Variants in B4GALNT4 observed in about 807,000 individuals in gnomAD.
The protein encoded by B4GALNT4 is beta-1,4-N-acetyl-galactosaminyltransferase 4, also known as N-acetyl-beta-glucosaminyl-glycoprotein 4-beta-N-acetylgalactosaminyltransferase 1.
In B4GALNT4, 77 loss-of-function variants were observed where a neutral mutation model predicts 110.0. That is an observed-to-expected ratio of 0.70 (90% CI 0.58 to 0.85). The LOEUF (loss-of-function observed/expected upper bound fraction) is 0.85, where lower values mean the gene tolerates loss of function less well. Among genes scored for constraint, B4GALNT4 ranks in the 40% least tolerant of loss-of-function variants. B4GALNT4 has a pLI of 0.00. For missense variants in B4GALNT4, 1,575 were observed against 1,506.0 expected, an observed-to-expected ratio of 1.05 and a Z score of -0.76; for synonymous variants, 785 against 655.5, an observed-to-expected ratio of 1.20 and a Z score of -3.02.
Position 380,773 on chromosome 11 carries a change from G to C in B4GALNT4, c.2870-52G>C, listed in dbSNP as rs558434918. On this transcript the variant is annotated intron_variant, in intron 18 of 19. Transcript: ENST00000329962. ...TCTCCTAGCGGCGCTTTGCCGGGGGGACCTTGCAGGACCTGGTCTGAAGGG... is the reference window on the plus strand; with the variant it reads ...TCTCCTAGCGGCGCTTTGCCGGGGGCACCTTGCAGGACCTGGTCTGAAGGG... The C allele has an allele frequency of 8.9e-6, 14 of 1,569,720 alleles. No individual in the cohort carries two copies. The South Asian group carries it at 1.5e-4, about 16-fold the overall frequency.
At position 376,755 on chromosome 11, in the gene B4GALNT4, T is replaced by A; in HGVS notation, c.1632T>A (p.Arg544=). 1 of 1,390,194 alleles carries A rather than the reference T, an allele frequency of 7.2e-7. No individual in the cohort carries two copies. Among genetic ancestry groups the A allele is most frequent in the Non-Finnish European group, 9.3e-7 (1 of 1,076,378 alleles). 86.1% of individuals were successfully genotyped at this position (1,390,194 alleles called of 1,614,324 possible). Residue 544 remains arginine (R), a synonymous_variant, in exon 14 of 20, where the codon CGT becomes CGA. Transcript: ENST00000329962. ...QRASPRAPAP[R]APWPPFPGVF... ...CATCCCCCCGGGCCCCAGCGCCGCGTGCGCCCTGGCCGCCCTTCCCTGGCG... is the reference window on the plus strand; with the variant it reads ...CATCCCCCCGGGCCCCAGCGCCGCGAGCGCCCTGGCCGCCCTTCCCTGGCG...
rs1380512567 is a variant in B4GALNT4, at chr11:379,654, T to C, written c.2441T>C (p.Leu814Pro). Reference protein sequence around the residue: ...PDGRPELCRPLRLAWRQDVMV... With the variant: ...PDGRPELCRPPRLAWRQDVMV... ...GGCCGCCCCGAGCTCTGCCGGCCAC[T>C]GCGCCTGGCCTGGCGCCAGGACGTG... Residue 814 changes from leucine to proline, a missense_variant, in exon 15 of 20, where the codon CTG (leucine) becomes CCG (proline). Coordinates refer to ENST00000329962, the MANE Select transcript of B4GALNT4 (RefSeq NM_178537.5). 1.8e-5 allele frequency: 27 copies of C among 1,505,836 alleles called. No homozygotes were observed. The highest frequency in any genetic ancestry group is 2.4e-5 in the Non-Finnish European group (27 of 1,131,414). 93.3% of individuals were successfully genotyped at this position (1,505,836 alleles called of 1,614,324 possible). A position where few individuals can be genotyped will look rare whatever the true frequency, so the allele number is the denominator to read the frequency against.
chr11:380,743 C>T (rs1361956597), intron 18 of B4GALNT4, 82 bp from the exon 19 acceptor site: 19 of 1,604,898 alleles, frequency 1.2e-5, no homozygotes, highest in African/African-American at 2.7e-5. Context: ...TGACCCCTCC[C>T]GAGGTCTCCT....
intron 1 of B4GALNT4, among the ~76,000 whole-genome samples, chr11:370,683 G>C (rs552540810): frequency 6.6e-6 from 1 of 152,260 alleles, no homozygotes; most frequent in South Asian, 2.1e-4. Flanking sequence ...CGGTGGGGTT[G>C]GGGGAGAAGG....
chr11:373,912 C>G (rs1204412141), intron 8 of B4GALNT4, 84 bp downstream of exon 8: 6 of 1,371,606 alleles, frequency 4.4e-6, no homozygotes, highest in Non-Finnish European at 6.1e-6. Context: ...GGTCCCCGTC[C>G]CAAAGTTGAC....
rs755838914 is a variant in B4GALNT4 at position 379,569 on chromosome 11, G to A, written c.2356G>A (p.Val786Ile). Residue 786 changes from valine (V) to isoleucine (I), a missense_variant, in exon 15 of 20, where the codon GTA (valine) becomes ATA (isoleucine). Coordinates refer to ENST00000329962, the MANE Select transcript of B4GALNT4 (RefSeq NM_178537.5). The part of the protein sequence containing the change: ...YVFLRLPGAR[V>I]GDADGESPEP... Reference sequence around the variant, plus strand: ...CTTCCTGCGGCTGCCGGGAGCCCGCGTAGGGGATGCAGACGGAGAAAGTCC... The same window carrying A: ...CTTCCTGCGGCTGCCGGGAGCCCGCATAGGGGATGCAGACGGAGAAAGTCC... The A allele has an allele frequency of 5.0e-6, 8 of 1,587,172 alleles. No homozygotes were observed. In the Admixed American group the frequency reaches 5.3e-5, roughly 11 times the overall value.
chr11:380,773 G>GT (rs1304863932), intron 18 of B4GALNT4, 52 bp from the exon 19 acceptor site: 1 of 1,569,712 alleles, frequency 6.4e-7, no homozygotes, highest in African/African-American at 1.7e-5. Flanking sequence ...TTGCCGGGGG[G>GT]ACCTTGCAGG....
chr11:376,464 G>C lies in B4GALNT4; in HGVS notation c.1341G>C (p.Leu447=), dbSNP rs1279910458. The part of the protein sequence containing the change: ...DEDEGELLDS[L]EPTEAAPPRS... The stretch of plus-strand genomic sequence containing the variant: ...ACGAGGGGGAGCTGCTCGACAGCCT[G>C]GAGCCCACCGAGGCGGCCCCGCCCA... Residue 447 remains leucine, a synonymous_variant, in exon 14 of 20, where the codon CTG becomes CTC. Coordinates refer to ENST00000329962, the MANE Select transcript of B4GALNT4 (RefSeq NM_178537.5). 1.9e-6 allele frequency: 3 copies of C among 1,594,410 alleles called. No homozygotes were observed. The East Asian group carries it at 6.7e-5, about 36-fold the overall frequency.
At position 378,411 on chromosome 11, in the gene B4GALNT4, G is replaced by A. The variant is rs141723808; in HGVS notation, c.2205-1007G>A. 5.2e-3 allele frequency among the ~76,000 whole-genome samples: 799 copies of A among 152,292 alleles called. 8 individuals are homozygous for A. The highest frequency in any genetic ancestry group is 0.018 in the African/African-American group (754 of 41,550). On this transcript the variant is annotated intron_variant, in intron 14 of 19. Transcript: ENST00000329962. ...CTGAGAGCAGCTCGTCATTTCTTGG[G>A]GGCCTCATGGGAAGATCATGGTTGT...
At chr11:370,007 G>GCGGGGGGCA (rs1300149560) in intron 1 of B4GALNT4, 53 bp downstream of exon 1, 1 of 139,536 alleles carries the variant, frequency 7.2e-6, no homozygotes, top group Non-Finnish European at 1.3e-5. Context: ...CGCGGGGGGC[G>GCGGGGGGCA]CGGGGGGCGC....
chr11:379,209 G>C (rs1466442853), intron 14 of B4GALNT4, among the ~76,000 whole-genome samples: 3 of 152,196 alleles, frequency 2.0e-5, no homozygotes, highest in Non-Finnish European at 4.4e-5. Flanking sequence ...GCTCGCTGGT[G>C]TGCCCCCAGT....
intron 11 of B4GALNT4, 51 bp downstream of exon 11, chr11:376,007 C>G (rs746015257): frequency 2.5e-6 from 4 of 1,605,160 alleles, no homozygotes; most frequent in Non-Finnish European, 2.6e-6. Context: ...GCGGAGCCTT[C>G]TCCAGCCCCT....
Position 375,697 on chromosome 11 carries a change from C to G in B4GALNT4, c.909C>G (p.His303Gln). The change falls in exon 10 of 20, where the codon CAC becomes CAG. Residue 303 changes from histidine to glutamine, a missense_variant. Physicochemically the swap from His to Gln is conservative, Grantham distance 24. Transcript: ENST00000329962. ...VAHVPQSPAS[H>Q]VGGRPPQEET... ...ACGTCCCCCAGTCTCCAGCCAGCCA[C>G]GTGGGGGGGCGTCCGCCGCAGGAGG... 1 of 1,594,012 alleles carries G rather than the reference C, an allele frequency of 6.3e-7. No individual in the cohort carries two copies. The highest frequency in any genetic ancestry group is 8.5e-7 in the Non-Finnish European group (1 of 1,174,896).
In B4GALNT4 at chr11:372,700, G is replaced by C. The variant is rs35475866; in HGVS notation, c.294G>C (p.Gly98=). 482,220 of 1,610,044 alleles carry C rather than the reference G, an allele frequency of 0.3. 73,901 individuals are homozygous for C. Among genetic ancestry groups the C allele is most frequent in the East Asian group, 0.49 (21,913 of 44,702 alleles). Residue 98 remains glycine (G), a synonymous_variant, in exon 3 of 20, where the codon GGG becomes GGC. Coordinates refer to ENST00000329962, the MANE Select transcript of B4GALNT4 (RefSeq NM_178537.5). ...ACCTAGACATGCTGTTTCCTGGGGGGGCTGGGAGGCTGCCACTGAACTTCA... is the reference window on the plus strand; with the variant it reads ...ACCTAGACATGCTGTTTCCTGGGGGCGCTGGGAGGCTGCCACTGAACTTCA... ...GRDLDMLFPG[G]AGRLPLNFTH... is the part of the protein sequence containing the mutation.
Position 373,105 on chromosome 11 carries a change from C to G in B4GALNT4, c.524C>G (p.Pro175Arg). The G allele has an allele frequency of 2.5e-6, 4 of 1,612,514 alleles. No homozygotes were observed. Among genetic ancestry groups the G allele is most frequent in the Non-Finnish European group, 3.4e-6 (4 of 1,179,880 alleles). Reference sequence around the variant, plus strand: ...CTCCGTATTTTTGGTTTCATCCACCCGGCGAGGGACGGTACGGGGGTGAGG... The same window carrying G: ...CTCCGTATTTTTGGTTTCATCCACCGGGCGAGGGACGGTACGGGGGTGAGG... ...YGLRIFGFIH[P>R]ARDGDVQFSV... The change falls in exon 5 of 20, where the codon CCG becomes CGG. Residue 175 changes from proline (P) to arginine (R), a missense_variant. Pro to Arg is a moderately radical substitution (Grantham distance 103). Transcript: ENST00000329962.
chr11:376,346 C>T lies in B4GALNT4; in HGVS notation c.1292C>T (p.Pro431Leu), dbSNP rs762340513. The T allele has an allele frequency of 6.2e-7, 1 of 1,607,680 alleles. No individual in the cohort carries two copies. The highest frequency in any genetic ancestry group is 1.1e-5 in the South Asian group (1 of 90,748). The change falls in exon 13 of 20, where the codon CCG becomes CTG. Residue 431 changes from proline (P) to leucine (L), a missense_variant. By Grantham distance (98) the Pro-to-Leu change is moderately conservative. Transcript: ENST00000329962. ...CGCCGAGCCTTCCTCTTCCTCAACC[C>T]GGACGGTGAGTGTCCGCAGCGCCCC... ...VQRRAFLFLNPDDFLDDEDEG... is the reference protein window; with the variant it reads ...VQRRAFLFLNLDDFLDDEDEG...
Position 376,439 on chromosome 11 carries a change from A to T in B4GALNT4, c.1316A>T (p.Asp439Val), listed in dbSNP as rs140351111. The change falls in exon 14 of 20, where the codon GAC (aspartate) becomes GTC (valine). Residue 439 changes from aspartate to valine, a missense_variant. By Grantham distance (152) the Asp-to-Val change is radical. Transcript: ENST00000329962. ...CCCGCAGACTTCCTGGACGACGAGG[A>T]CGAGGGGGAGCTGCTCGACAGCCTG... Reference protein sequence around the residue: ...LNPDDFLDDEDEGELLDSLEP... With the variant: ...LNPDDFLDDEVEGELLDSLEP... 3.5e-4 allele frequency: 559 copies of T among 1,596,882 alleles called. 1 individual carries two copies. The African/African-American group carries it at 7.0e-3, about 20-fold the overall frequency.
chr11:372,217 G>A lies in B4GALNT4; in HGVS notation c.255+5G>A, dbSNP rs772564594. Reference sequence around the variant, plus strand: ...AGCCGTGAAGAGGAGCAAGCGGTGAGCAGAGCCCTGGGGAGAACACGTGTG... The same window carrying A: ...AGCCGTGAAGAGGAGCAAGCGGTGAACAGAGCCCTGGGGAGAACACGTGTG... On this transcript the variant is annotated splice_donor_5th_base_variant and intron_variant, in intron 2 of 19. Transcript: ENST00000329962. The A allele has an allele frequency of 1.3e-6, 2 of 1,549,906 alleles. No individual in the cohort carries two copies. Among genetic ancestry groups the A allele is most frequent in the Non-Finnish European group, 1.7e-6 (2 of 1,146,600 alleles).
rs866807410 is a variant in B4GALNT4, at chr11:369,894, G to A, written c.91G>A (p.Val31Met). ...LLSCAAWLTY[V>M]HLGLVRQGRA... ...GAGCTGCGCCGCGTGGCTCACCTAC[G>A]TGCACCTGGGCCTGGTGCGCCAGGG... Residue 31 changes from valine to methionine, a missense_variant, in exon 1 of 20, where the codon GTG becomes ATG. By Grantham distance (21) the Val-to-Met change is conservative. Transcript: ENST00000329962. The A allele has an allele frequency of 5.0e-6, 5 of 990,202 alleles. No homozygotes were observed. The highest frequency in any genetic ancestry group is 4.0e-4 in the Middle Eastern group (1 of 2,526). 61.3% of individuals were successfully genotyped at this position (990,202 alleles called of 1,614,324 possible).
Sources: allele counts gnomAD v4.1 joint callset (sites outside exome capture counted in the v4.1 genomes callset), GRCh38; gene constraint gnomAD v4.1.1; transcripts MANE v1.5; gene names NCBI Gene and HGNC (gene_info 2026-07-23, HGNC 2026-07-21).